Variants in USP44 observed in about 807,000 individuals in gnomAD.
The protein encoded by USP44 is ubiquitin carboxyl-terminal hydrolase 44.
A neutral mutation model predicts 69.0 loss-of-function variants in USP44; 61 were observed. That is an observed-to-expected ratio of 0.88 (90% confidence interval 0.72 to 1.09). The LOEUF is 1.09. USP44 is among the 50% of genes least tolerant of loss of function. The pLI is 0.00. For missense variants in USP44, 753 were observed against 849.9 expected, an observed-to-expected ratio of 0.89 and a Z score of 1.42; for synonymous variants, 297 against 295.4, an observed-to-expected ratio of 1.01 and a Z score of -0.06.
chr12:95,538,716 G>A (rs879348273), intron 1 of USP44, among the ~76,000 whole-genome samples: 8 of 152,226 alleles, frequency 5.3e-5, no homozygotes, highest in Non-Finnish European at 1.2e-4. Context: ...TGGAAAGCAG[G>A]AGCTGCAGAG....
At chr12:95,532,382 G>A (rs1314314787) in intron 2 of USP44, among the ~76,000 whole-genome samples, 1 of 151,946 alleles carries the variant, frequency 6.6e-6, no homozygotes, top group Non-Finnish European at 1.5e-5. Flanking sequence ...TGGTCAGGCT[G>A]GTCTTGAACT....
chr12:95,520,515 G>C (rs1256499735), intron 5 of USP44, among the ~76,000 whole-genome samples: 1 of 152,036 alleles, frequency 6.6e-6, no homozygotes, highest in Non-Finnish European at 1.5e-5. Context: ...GTGTTGGGGG[G>C]AGTAAAAAAT....
rs1458695852 is a variant in USP44 at position 95,548,601 on chromosome 12, G to A, written c.-71+2671C>T. On this transcript the variant is annotated intron_variant, in intron 1 of 5. Transcript: ENST00000258499. The surrounding 1 kb of genome is among the most constrained non-coding windows in gnomAD (Gnocchi z 4.1). ...CGCGCCCCTCGGCTCATTCCCTTCCGCGCGCCCGCAGCCCCAGGCTCTCCC... is the reference window on the plus strand; with the variant it reads ...CGCGCCCCTCGGCTCATTCCCTTCCACGCGCCCGCAGCCCCAGGCTCTCCC... 3 of 152,386 alleles carry A rather than the reference G, an allele frequency of 2.0e-5. No homozygotes were observed. The highest frequency in any genetic ancestry group is 2.9e-5 in the Non-Finnish European group (2 of 68,584). The allele number at this position is 152,386 out of a possible 1,614,324, so 9.4% of individuals were successfully genotyped here.
chr12:95,524,893 G>T, intron 3 of USP44, 105 bp from the exon 4 acceptor site: 1 of 1,044,186 alleles, frequency 9.6e-7, no homozygotes, highest in Non-Finnish European at 1.4e-6. Context: ...AGTATGTACT[G>T]TGTTCCAGGC....
In USP44 at chr12:95,533,126, C is replaced by G. The variant is rs1393653590; in HGVS notation, c.1131G>C (p.Gln377His). Residue 377 changes from glutamine to histidine, a missense_variant, in exon 2 of 6, where the codon CAG becomes CAC. Physicochemically the swap from Gln to His is conservative, Grantham distance 24. Coordinates refer to ENST00000258499, the MANE Select transcript of USP44 (RefSeq NM_032147.5). Reference sequence around the variant, plus strand: ...GCAATTCATGACAAAGAGAAATGTACTGTGAAGTTGGCTCCTTTGGCTGAA... The same window carrying G: ...GCAATTCATGACAAAGAGAAATGTAGTGTGAAGTTGGCTCCTTTGGCTGAA... ...ELIQPKEPTS[Q>H]YISLCHELHT... The G allele has an allele frequency of 1.2e-6, 2 of 1,614,106 alleles. No individual in the cohort carries two copies. The highest frequency in any genetic ancestry group is 1.7e-6 in the Non-Finnish European group (2 of 1,180,058).
intron 5 of USP44, among the ~76,000 whole-genome samples, chr12:95,519,245 T>A (rs1195399040): frequency 1.3e-5 from 2 of 152,064 alleles, no homozygotes; most frequent in East Asian, 3.9e-4. Context: ...TTAATGAAAC[T>A]GTTTCATTAT....
chr12:95,525,809 G>A (rs2076816010), intron 3 of USP44, among the ~76,000 whole-genome samples: 1 of 152,216 alleles, frequency 6.6e-6, no homozygotes, highest in Non-Finnish European at 1.5e-5. Context: ...TGCTCCTGAT[G>A]TCCAGGAGCT....
intron 4 of USP44, among the ~76,000 whole-genome samples, chr12:95,523,689 C>CAAAAAAA (rs927669685): frequency 2.2e-5 from 2 of 89,204 alleles, no homozygotes; most frequent in Non-Finnish European, 4.8e-5. Flanking sequence ...CTGTCTCTAC[C>CAAAAAAA]AAAAAAAAAA....
chr12:95,530,429 T>G (rs1027562295), intron 2 of USP44, among the ~76,000 whole-genome samples: 3 of 151,928 alleles, frequency 2.0e-5, no homozygotes, highest in South Asian at 2.1e-4. Context: ...GAGACCAGCC[T>G]GGGCAACACA....
At chr12:95,525,201 A>G (rs1462923093) in intron 3 of USP44, among the ~76,000 whole-genome samples, 1 of 152,122 alleles carries the variant, frequency 6.6e-6, no homozygotes, top group East Asian at 1.9e-4. Context: ...CCTCCCATGT[A>G]ACTGGGACTA....
chr12:95,534,677 CT>C (rs71082032), intron 1 of USP44, among the ~76,000 whole-genome samples: 16,870 of 142,088 alleles, frequency 0.12, 1,096 homozygotes, highest in African/African-American at 0.19. Context: ...ACTGCATTCC[CT>C]TTTTTTTTTT....
chr12:95,523,550 G>A (rs1485220990), intron 4 of USP44, among the ~76,000 whole-genome samples: 1 of 151,998 alleles, frequency 6.6e-6, no homozygotes, highest in Admixed American at 6.6e-5. Flanking sequence ...AACTGAGTTC[G>A]GTTTTTCCAA....
intron 3 of USP44, among the ~76,000 whole-genome samples, chr12:95,526,886 C>T (rs1047775892): frequency 2.6e-5 from 4 of 151,836 alleles, no homozygotes; most frequent in Non-Finnish European, 5.9e-5. Context: ...TACTAAGATG[C>T]TATGTAAGTA....
At position 95,518,339 on chromosome 12, in the gene USP44, A is replaced by C. The variant is rs2076542905; in HGVS notation, c.1954T>G (p.Cys652Gly). 1 of 1,614,064 alleles carries C rather than the reference A, an allele frequency of 6.2e-7. No individual in the cohort carries two copies. The highest frequency in any genetic ancestry group is 8.5e-7 in the Non-Finnish European group (1 of 1,180,032). ...YNSEGGFWVHCNDSKLSMCTM... is the reference protein window; with the variant it reads ...YNSEGGFWVHGNDSKLSMCTM... ...CACATGCTTAGTTTGGAATCATTGCAGTGTACCCAGAACCCTAGAGTGAAG... is the reference window on the plus strand; with the variant it reads ...CACATGCTTAGTTTGGAATCATTGCCGTGTACCCAGAACCCTAGAGTGAAG... Residue 652 changes from cysteine (C) to glycine (G), a missense_variant, in exon 6 of 6, where the codon TGC becomes GGC. Cys to Gly is a radical substitution (Grantham distance 159). Coordinates refer to ENST00000258499, the MANE Select transcript of USP44 (RefSeq NM_032147.5).
At chr12:95,523,088 G>A (rs2076719276) in intron 4 of USP44, among the ~76,000 whole-genome samples, 1 of 152,136 alleles carries the variant, frequency 6.6e-6, no homozygotes, top group South Asian at 2.1e-4. Context: ...GGAGGGTGTG[G>A]AACCTATATG....
At chr12:95,545,172 T>C (rs1271580549) in intron 1 of USP44, among the ~76,000 whole-genome samples, 2 of 152,228 alleles carry the variant, frequency 1.3e-5, no homozygotes, top group Non-Finnish European at 2.9e-5. Flanking sequence ...GGCATTCATA[T>C]TTTACAGGAA....
chr12:95,541,461 C>T (rs927537805), intron 1 of USP44, among the ~76,000 whole-genome samples: 17 of 152,036 alleles, frequency 1.1e-4, no homozygotes, highest in African/African-American at 4.1e-4. Flanking sequence ...TGCCTATAAG[C>T]CCAGCTACTC....
intron 2 of USP44, among the ~76,000 whole-genome samples, chr12:95,531,910 A>C (rs1342241914): frequency 6.6e-6 from 1 of 152,230 alleles, no homozygotes; most frequent in East Asian, 1.9e-4. Flanking sequence ...CACTCAGTAT[A>C]GAGAACCTTT....
chr12:95,518,101 CTT>C lies in USP44; in HGVS notation c.*51_*52del. ...ATGAAGTTTAAAATGGTACATCAGTCTTTTAAAAAGTATATATATAAATCACA... is the reference window on the plus strand; with the variant it reads ...ATGAAGTTTAAAATGGTACATCAGTCTTAAAAAGTATATATATAAATCACA... On this transcript the variant is annotated 3_prime_UTR_variant, in exon 6 of 6. Coordinates refer to ENST00000258499, the MANE Select transcript of USP44 (RefSeq NM_032147.5). 7.0e-6 allele frequency: 11 copies of C among 1,576,046 alleles called. No individual in the cohort carries two copies. The highest frequency in any genetic ancestry group is 2.2e-5 in the East Asian group (1 of 44,548).
Sources: allele counts gnomAD v4.1 joint callset (sites outside exome capture counted in the v4.1 genomes callset), GRCh38; gene constraint gnomAD v4.1.1; non-coding constraint Gnocchi (gnomAD v3.1); transcripts MANE v1.5; gene names NCBI Gene and HGNC (gene_info 2026-07-23, HGNC 2026-07-21).